NRG1: variants seen among roughly 807,000 people sequenced by gnomAD.
The protein encoded by NRG1 is neuregulin 1.
NRG1 carries 18 observed loss-of-function variants against 63.8 expected under a neutral mutation model. The observed-to-expected ratio is 0.28, with a 90% CI of 0.19 to 0.42. The LOEUF is 0.42. NRG1 is among the 10% of genes least tolerant of loss of function. The probability of loss-of-function intolerance (pLI) is 1.00; values close to 1 mark genes in which losing one functional copy is unlikely to be tolerated. For missense variants in NRG1, 762 were observed against 814.7 expected, an observed-to-expected ratio of 0.94 and a Z score of 0.79; for synonymous variants, 302 against 301.3, an observed-to-expected ratio of 1.00 and a Z score of -0.02.
At chr8:31,855,799 G>A (rs1164008206) in intron 1 of NRG1, among the ~76,000 whole-genome samples, 1 of 152,064 alleles carries the variant, frequency 6.6e-6, no homozygotes, top group Non-Finnish European at 1.5e-5. Flanking sequence ...CTCTTTTAGG[G>A]CAGGCCTGGT....
intron 1 of NRG1, among the ~76,000 whole-genome samples, chr8:32,374,014 T>G (rs1405996118): frequency 2.6e-5 from 4 of 152,218 alleles, no homozygotes; most frequent in African/African-American, 9.6e-5. Context: ...CTTGAATTTC[T>G]GTTATTGTTA....
At chr8:32,760,383 C>T in exon 11 of NRG1, 1 of 1,613,904 alleles carries the variant, frequency 6.2e-7, no homozygotes, top group East Asian at 2.2e-5. Context: ...CTGATTCCTA[C>T]CGAGACTCTC....
At chr8:32,027,463 T>TCTTTC in intron 1 of NRG1, among the ~76,000 whole-genome samples, 1 of 119,214 alleles carries the variant, frequency 8.4e-6, no homozygotes, top group South Asian at 3.5e-4. Flanking sequence ...CTTCCTTCCT[T>TCTTTC]CCTTCCCTCC....
At chr8:32,639,522 A>G (rs887184671) in intron 5 of NRG1, among the ~76,000 whole-genome samples, 2 of 152,206 alleles carry the variant, frequency 1.3e-5, no homozygotes, top group African/African-American at 2.4e-5. Context: ...GTGCAAGTAT[A>G]TTTTATACAT....
intron 1 of NRG1, among the ~76,000 whole-genome samples, chr8:32,060,551 T>TG (rs924631177): frequency 2.6e-5 from 4 of 151,928 alleles, no homozygotes; most frequent in Non-Finnish European, 5.9e-5. Context: ...GTTTTTGGTT[T>TG]GGGGGGTTGC....
intron 1 of NRG1, among the ~76,000 whole-genome samples, chr8:31,821,659 C>T (rs576299205): frequency 3.3e-5 from 5 of 151,918 alleles, no homozygotes; most frequent in African/African-American, 9.6e-5. Context: ...CCTCTACTTA[C>T]AGGAAATGCA....
intron 5 of NRG1, among the ~76,000 whole-genome samples, chr8:32,635,270 A>T (rs62500236): frequency 0.068 from 10,336 of 152,272 alleles, 486 homozygotes; most frequent in Non-Finnish European, 0.1. Context: ...CATCTTTTGG[A>T]TGGATAGGTG....
chr8:32,031,576 A>G (rs957110089), intron 1 of NRG1, among the ~76,000 whole-genome samples: 1 of 151,898 alleles, frequency 6.6e-6, no homozygotes, highest in African/African-American at 2.4e-5. Flanking sequence ...ACTAGGCAGC[A>G]ACCCACATTA....
intron 1 of NRG1, among the ~76,000 whole-genome samples, chr8:31,778,783 G>T (rs1819403230): frequency 6.6e-6 from 1 of 152,136 alleles, no homozygotes; most frequent in East Asian, 1.9e-4. Context: ...CTGGTTTTTG[G>T]GAAGCCAATG....
intron 1 of NRG1, among the ~76,000 whole-genome samples, chr8:32,172,121 A>G (rs926799783): frequency 6.6e-6 from 1 of 152,170 alleles, no homozygotes; most frequent in Non-Finnish European, 1.5e-5. Context: ...GACACCTCCC[A>G]CAGCCAGGTA....
At chr8:32,554,929 C>CTCTCTTTTT in intron 1 of NRG1, among the ~76,000 whole-genome samples, 1 of 145,812 alleles carries the variant, frequency 6.9e-6, no homozygotes, top group Non-Finnish European at 1.5e-5. Context: ...CTCTCTCTCT[C>CTCTCTTTTT]TTTTTTTTTT....
intron 1 of NRG1, among the ~76,000 whole-genome samples, chr8:32,092,983 A>G (rs1829399701): frequency 6.6e-6 from 1 of 152,190 alleles, no homozygotes; most frequent in Non-Finnish European, 1.5e-5. Flanking sequence ...CTTGGCCAGT[A>G]ACCATCAGGG....
At chr8:32,534,736 C>A in intron 1 of NRG1, among the ~76,000 whole-genome samples, 1 of 152,068 alleles carries the variant, frequency 6.6e-6, no homozygotes, top group Non-Finnish European at 1.5e-5. Flanking sequence ...ATGTATAAAC[C>A]AATCTGGATG....
chr8:31,755,505 T>C (rs2131482432), intron 1 of NRG1, among the ~76,000 whole-genome samples: 1 of 152,202 alleles, frequency 6.6e-6, no homozygotes, highest in East Asian at 1.9e-4. Flanking sequence ...TAGCAAGTGT[T>C]CAAGTTTCAC....
At chr8:32,393,855 A>AGTTT (rs1476840401) in intron 1 of NRG1, among the ~76,000 whole-genome samples, 1 of 152,192 alleles carries the variant, frequency 6.6e-6, no homozygotes, top group Non-Finnish European at 1.5e-5. Flanking sequence ...CTATATAACA[A>AGTTT]ACCTGCACAT....
chr8:32,222,496 A>G (rs1845923195), intron 1 of NRG1, among the ~76,000 whole-genome samples: 1 of 152,200 alleles, frequency 6.6e-6, no homozygotes, highest in Non-Finnish European at 1.5e-5. Context: ...AGAAAGAAAA[A>G]AAGAAAGAAA....
exon 1 of NRG1, chr8:32,548,621 GCT>G: frequency 7.2e-7 from 1 of 1,397,300 alleles, no homozygotes; most frequent in South Asian, 1.6e-5. Context: ...GCGGCCGCTC[GCT>G]CTCCCCCTCG....
intron 1 of NRG1, among the ~76,000 whole-genome samples, chr8:32,487,947 A>G (rs1338669740): frequency 6.6e-6 from 1 of 152,200 alleles, no homozygotes; most frequent in Non-Finnish European, 1.5e-5. Context: ...TTGTGCAACA[A>G]GGGTACAAAG....
At chr8:31,711,873 CTT>C (rs1271816575) in intron 1 of NRG1, among the ~76,000 whole-genome samples, 1 of 152,148 alleles carries the variant, frequency 6.6e-6, no homozygotes, top group Admixed American at 6.5e-5. Context: ...TTCGGGTTCT[CTT>C]TTATGAGGGC....
Sources: gnomAD v4.1 joint callset for allele counts (sites outside exome capture counted in the v4.1 genomes callset) on GRCh38, gnomAD v4.1.1 for gene constraint, MANE v1.5 for transcripts, NCBI Gene and HGNC (gene_info 2026-07-23, HGNC 2026-07-21) for gene names.